Variants in SLC23A2 observed in about 807,000 individuals in gnomAD.
The protein encoded by SLC23A2 is solute carrier family 23 member 2, also known as Na(+)/L-ascorbic acid transporter 2.
SLC23A2 carries 36 observed loss-of-function variants against 73.3 expected under a neutral mutation model. The ratio of observed to expected loss-of-function variants is 0.49; its 90% CI spans 0.38 to 0.65. The LOEUF (loss-of-function observed/expected upper bound fraction) is 0.65. Ranked by LOEUF, SLC23A2 falls within the 30% of genes least tolerant of loss-of-function variation. The pLI is 0.00. For missense variants in SLC23A2, 507 were observed against 841.6 expected (o/e 0.60, Z 4.92); for synonymous variants, 343 against 327.3 (o/e 1.05, Z -0.52).
chr20:4,950,384 G>C (rs1482544458), intron 2 of SLC23A2, among the ~76,000 whole-genome samples: 1 of 152,178 alleles, frequency 6.6e-6, no homozygotes. Flanking sequence ...CAGATCTCAA[G>C]GTAGGAGTTC....
In SLC23A2 at chr20:4,998,805, C is replaced by CT. The variant is rs10634743; in HGVS notation, c.-282+2600dup. On this transcript the variant is annotated intron_variant, in intron 1 of 16. Coordinates refer to ENST00000338244, the MANE Select transcript of SLC23A2 (RefSeq NM_005116.6). This position sits in a 1 kb window ranked among gnomAD's most constrained non-coding sequence, Gnocchi z 4.1. ...ATAATTTCAAATCATTACTGTTGAT[C>CT]TTTTTTTTTTTTTTTTTAGGAGACA... Among the ~76,000 whole-genome samples, 28,690 of 139,448 alleles carry CT rather than the reference C, an allele frequency of 0.21. 3,324 individuals carry two copies. Among genetic ancestry groups the CT allele is most frequent in the South Asian group, 0.31 (1,355 of 4,420 alleles). The allele number at this position is 139,448 out of a possible 152,430, so 91.5% of individuals were successfully genotyped here. A position where few individuals can be genotyped will look rare whatever the true frequency, so the allele number is the denominator to read the frequency against.
intron 2 of SLC23A2, among the ~76,000 whole-genome samples, chr20:4,949,287 CA>C (rs570455717): frequency 4.4e-3 from 255 of 57,948 alleles, no homozygotes; most frequent in Middle Eastern, 9.1e-3. Flanking sequence ...GACTCCATCT[CA>C]AAAAAAAAAA....
chr20:4,884,941 T>A (rs962169203), intron 7 of SLC23A2, 118 bp from the exon 8 acceptor site: 6 of 591,648 alleles, frequency 1.0e-5, no homozygotes, highest in African/African-American at 7.7e-5. Flanking sequence ...TCAATCCCCA[T>A]CCCTAAAATT....
chr20:4,894,353 A>T (rs1429666943), intron 6 of SLC23A2, among the ~76,000 whole-genome samples: 1 of 152,208 alleles, frequency 6.6e-6, no homozygotes, highest in African/African-American at 2.4e-5. Context: ...AGTCCTCAAC[A>T]ACTGGGGCTA....
intron 2 of SLC23A2, among the ~76,000 whole-genome samples, chr20:4,941,320 A>G (rs2087037635): frequency 6.6e-6 from 1 of 152,144 alleles, no homozygotes; most frequent in African/African-American, 2.4e-5. Context: ...CTTGAGGCCA[A>G]GAGTTCAAGA....
chr20:5,002,414 A>G (rs961039503), upstream of SLC23A2, among the ~76,000 whole-genome samples: 10 of 152,238 alleles, frequency 6.6e-5, no homozygotes, highest in African/African-American at 2.4e-4. Flanking sequence ...TCTAATAATT[A>G]GTACTTTCTT....
intron 1 of SLC23A2, among the ~76,000 whole-genome samples, chr20:4,974,696 A>ATT (rs955487727): frequency 6.6e-6 from 1 of 152,012 alleles, no homozygotes; most frequent in Non-Finnish European, 1.5e-5. Flanking sequence ...CAATGTTTGT[A>ATT]TTTTTTTCAA....
intron 4 of SLC23A2, 85 bp downstream of exon 4, chr20:4,912,795 A>C (rs1600126844): frequency 1.2e-6 from 1 of 865,702 alleles, no homozygotes; most frequent in African/African-American, 1.6e-5. Context: ...CAAGTGTCTG[A>C]AAGGGATCCG....
At chr20:4,871,324 T>C (rs11907533) in intron 11 of SLC23A2, among the ~76,000 whole-genome samples, 24,954 of 151,376 alleles carry the variant, frequency 0.16, 2,491 homozygotes, top group African/African-American at 0.27. Context: ...ACCAGTGAGG[T>C]GGTCAGGAAA....
chr20:4,896,269 C>T (rs575440657), intron 6 of SLC23A2, among the ~76,000 whole-genome samples: 2 of 152,310 alleles, frequency 1.3e-5, no homozygotes, highest in South Asian at 2.1e-4. Flanking sequence ...CCCAAGTGTG[C>T]TAAGGACCCA....
intron 1 of SLC23A2, among the ~76,000 whole-genome samples, chr20:4,990,496 T>A (rs1038009507): frequency 2.0e-5 from 3 of 151,630 alleles, no homozygotes; most frequent in Non-Finnish European, 4.4e-5. Flanking sequence ...CTCAGCCTCC[T>A]GAGTGGCAGG....
At chr20:4,879,420 A>AAAAAAAAAAAAAAT (rs1216418921) in intron 9 of SLC23A2, among the ~76,000 whole-genome samples, 1 of 151,050 alleles carries the variant, frequency 6.6e-6, no homozygotes, top group Non-Finnish European at 1.5e-5. Flanking sequence ...AAAAAAAAAA[A>AAAAAAAAAAAAAAT]AAAAAAAAAA....
chr20:4,857,238 C>G lies in SLC23A2; in HGVS notation c.1721-34G>C, dbSNP rs1929747785. ...CATCCCAAGATAGAACAAAGGAATG[C>G]TTCGTTTAGCAGCTCTACTGAAAAT... On this transcript the variant is annotated intron_variant, in intron 16 of 16. Coordinates refer to ENST00000338244, the MANE Select transcript of SLC23A2 (RefSeq NM_005116.6). The surrounding 1 kb of genome is among the most constrained non-coding windows in gnomAD (Gnocchi z 4.0). 1 of 1,232,890 alleles carries G rather than the reference C, an allele frequency of 8.1e-7. No homozygotes were observed. The highest frequency in any genetic ancestry group is 1.5e-5 in the African/African-American group (1 of 66,584). The allele number at this position is 1,232,890 out of a possible 1,614,324, so 76.4% of individuals were successfully genotyped here.
intron 1 of SLC23A2, among the ~76,000 whole-genome samples, chr20:4,990,075 T>C (rs2064842): frequency 0.17 from 25,800 of 152,090 alleles, 2,273 homozygotes; most frequent in Middle Eastern, 0.25. Flanking sequence ...CATCTTCTTG[T>C]CAGTTGTGAC....
intron 3 of SLC23A2, among the ~76,000 whole-genome samples, chr20:4,920,865 G>A (rs902520125): frequency 3.5e-4 from 53 of 152,134 alleles, no homozygotes; most frequent in African/African-American, 1.3e-3. Context: ...TTCCCTCAAA[G>A]TGCTATCAGA....
chr20:4,879,144 C>G (rs1040710821), intron 9 of SLC23A2, among the ~76,000 whole-genome samples: 1 of 152,124 alleles, frequency 6.6e-6, no homozygotes, highest in Non-Finnish European at 1.5e-5. Flanking sequence ...CGGTGGCTCA[C>G]GCCTGTAATC....
intron 2 of SLC23A2, among the ~76,000 whole-genome samples, chr20:4,961,273 G>A (rs761143613): frequency 6.6e-6 from 1 of 151,958 alleles, no homozygotes; most frequent in Admixed American, 6.6e-5. Context: ...AGTAGAGACG[G>A]GGTTTCACCT....
chr20:4,980,053 G>C (rs1411421948), intron 1 of SLC23A2, among the ~76,000 whole-genome samples: 2 of 152,014 alleles, frequency 1.3e-5, no homozygotes, highest in Non-Finnish European at 2.9e-5. Flanking sequence ...AAACTCACTA[G>C]GTATCAAAGA....
chr20:4,864,384 A>G (rs1042601626), intron 13 of SLC23A2, among the ~76,000 whole-genome samples: 1 of 152,176 alleles, frequency 6.6e-6, no homozygotes, highest in Non-Finnish European at 1.5e-5. Flanking sequence ...TCAGAGCCTG[A>G]TCTGAGGCTG....
Sources: allele counts gnomAD v4.1 joint callset (sites outside exome capture counted in the v4.1 genomes callset), GRCh38; gene constraint gnomAD v4.1.1; non-coding constraint Gnocchi (gnomAD v3.1); transcripts MANE v1.5; gene names NCBI Gene and HGNC (gene_info 2026-07-23, HGNC 2026-07-21).